Variants in PRKDC observed in about 807,000 individuals in gnomAD.
PRKDC encodes DNA-dependent protein kinase catalytic subunit.
Under a neutral mutation model 486.9 loss-of-function variants are expected in PRKDC, and 82 were observed. The observed-to-expected ratio is 0.17, with a 90% CI of 0.14 to 0.20. PRKDC has a LOEUF of 0.20. PRKDC is among the 10% of genes least tolerant of loss of function. The probability of loss-of-function intolerance (pLI) is 1.00; values close to 1 mark genes in which losing one functional copy is unlikely to be tolerated. For synonymous variants in PRKDC, 1,895 were observed against 1,837.0 expected, an observed-to-expected ratio of 1.03 and a Z score of -0.81; for missense variants, 4,504 against 5,038.2, an observed-to-expected ratio of 0.89 and a Z score of 3.21.
At chr8:47,926,233 A>T (rs568169580) in intron 21 of PRKDC, among the ~76,000 whole-genome samples, 6 of 152,330 alleles carry the variant, frequency 3.9e-5, no homozygotes, top group Admixed American at 3.9e-4. Flanking sequence ...ATAAAGGTTA[A>T]CTAGTTTGTA....
intron 16 of PRKDC, 78 bp downstream of exon 16, chr8:47,932,942 A>G (rs1182572648): frequency 2.3e-6 from 3 of 1,301,172 alleles, no homozygotes; most frequent in Middle Eastern, 2.0e-4. Context: ...CAAATGTGCT[A>G]TTGTCCCCTA....
Position 47,898,541 on chromosome 8 carries a change from A to G in PRKDC, c.3393T>C (p.Ile1131=), listed in dbSNP as rs1223717115. 6.5e-7 allele frequency: 1 copy of G among 1,527,296 alleles called. No individual in the cohort carries two copies. Among genetic ancestry groups the G allele is most frequent in the Non-Finnish European group, 8.9e-7 (1 of 1,122,108 alleles). The allele number at this position is 1,527,296 out of a possible 1,614,324, so 94.6% of individuals were successfully genotyped here. A position where few individuals can be genotyped will look rare whatever the true frequency, so the allele number is the denominator to read the frequency against. ...LGTIQQCCDA[I]DHLCRIIEKK... is the part of the protein sequence containing the mutation. ...TTTCAATGATGCGGCATAGGTGATC[A>G]ATGGCATCACAACACTGTTGAATTG... The change falls in exon 29 of 86, where the codon ATT becomes ATC. Residue 1131 remains isoleucine (I), a synonymous_variant. Coordinates refer to ENST00000314191, the MANE Select transcript of PRKDC (RefSeq NM_006904.7).
At chr8:47,927,448 C>T in intron 20 of PRKDC, 95 bp from the exon 21 acceptor site, 1 of 1,359,248 alleles carries the variant, frequency 7.4e-7, no homozygotes, top group Non-Finnish European at 1.0e-6. Flanking sequence ...AATTAATACT[C>T]CTTTTTATTA....
At position 47,820,829 on chromosome 8, in the gene PRKDC, C is replaced by T. The variant is rs771437391; in HGVS notation, c.9226G>A (p.Ala3076Thr). The change falls in exon 66 of 86, where the codon GCG becomes ACG. Residue 3076 changes from alanine (A) to threonine (T), a missense_variant. This residue lies in a region of PRKDC where 1,592 missense variants were observed against 1,724.6 expected (regional missense o/e 0.92). Transcript: ENST00000314191. Reference protein sequence around the residue: ...DKAMHGELQKAILELHYSQEL... With the variant: ...DKAMHGELQKTILELHYSQEL... Reference sequence around the variant, plus strand: ...TGACTGTAATGAAGCTCTAGAATCGCCTTCTGGAGCTCCCCGTGCATAGCT... The same window carrying T: ...TGACTGTAATGAAGCTCTAGAATCGTCTTCTGGAGCTCCCCGTGCATAGCT... 1.2e-5 allele frequency: 20 copies of T among 1,613,268 alleles called. No homozygotes were observed. The African/African-American group carries it at 1.5e-4, about 12-fold the overall frequency.
chr8:47,940,172 CAATA>C (rs2090420066), intron 10 of PRKDC, among the ~76,000 whole-genome samples: 1 of 152,024 alleles, frequency 6.6e-6, no homozygotes, highest in Admixed American at 6.6e-5. Flanking sequence ...CAGACGTCAT[CAATA>C]AATAGAGTTC....
At chr8:47,831,285 C>T (rs990772028) in intron 60 of PRKDC, among the ~76,000 whole-genome samples, 5 of 152,244 alleles carry the variant, frequency 3.3e-5, no homozygotes, top group Non-Finnish European at 7.3e-5. Flanking sequence ...TGGAGCCGCT[C>T]CTGTGGCGGC....
intron 11 of PRKDC, among the ~76,000 whole-genome samples, chr8:47,939,049 GTC>G (rs1007669968): frequency 5.9e-5 from 9 of 152,116 alleles, no homozygotes; most frequent in Non-Finnish European, 1.2e-4. Context: ...TCAATTCTGA[GTC>G]TCTTGACAAG....
chr8:47,899,096 T>C (rs2089634782), intron 28 of PRKDC, among the ~76,000 whole-genome samples: 1 of 152,150 alleles, frequency 6.6e-6, no homozygotes, highest in South Asian at 2.1e-4. Context: ...CTCACAGAAG[T>C]CTGGAATTAT....
At chr8:47,892,202 C>T (rs1037737185) in intron 31 of PRKDC, among the ~76,000 whole-genome samples, 1 of 152,024 alleles carries the variant, frequency 6.6e-6, no homozygotes, top group Admixed American at 6.6e-5. Flanking sequence ...AAAATCTATA[C>T]GTACAAAAAT....
chr8:47,799,019 C>T (rs1330646672), intron 72 of PRKDC, among the ~76,000 whole-genome samples, 191 bp downstream of exon 72: 1 of 152,166 alleles, frequency 6.6e-6, no homozygotes, highest in African/African-American at 2.4e-5. Context: ...CCACGTTGGC[C>T]AGGCTGGTCT....
chr8:47,786,723 C>CTTTTTTTTTTT (rs5891257), intron 76 of PRKDC, among the ~76,000 whole-genome samples: 2 of 88,250 alleles, frequency 2.3e-5, no homozygotes, highest in Non-Finnish European at 3.8e-5. Flanking sequence ...ATTATTTAAT[C>CTTTTTTTTTTT]TTTTTTTTTT....
chr8:47,935,952 C>T (rs2090344111), intron 12 of PRKDC, 52 bp from the exon 13 acceptor site: 38 of 1,481,526 alleles, frequency 2.6e-5, no homozygotes, highest in Non-Finnish European at 3.3e-5. Context: ...TCAATGAATA[C>T]AGGAATAATA....
At chr8:47,847,259 T>A (rs2088289223) in intron 54 of PRKDC, among the ~76,000 whole-genome samples, 1 of 151,750 alleles carries the variant, frequency 6.6e-6, no homozygotes, top group South Asian at 2.1e-4. Flanking sequence ...GATACAATAA[T>A]CAAAACAGCA....
chr8:47,845,537 C>A (rs1463517829), intron 54 of PRKDC, among the ~76,000 whole-genome samples: 1 of 151,812 alleles, frequency 6.6e-6, no homozygotes, highest in East Asian at 1.9e-4. Flanking sequence ...AATTAGGAAA[C>A]CTAGAGGAAA....
At chr8:47,814,543 A>G (rs193073338) in intron 68 of PRKDC, among the ~76,000 whole-genome samples, 3 of 152,200 alleles carry the variant, frequency 2.0e-5, no homozygotes, top group African/African-American at 4.8e-5. Context: ...GCAGCAAATA[A>G]TTGGAAAATA....
intron 25 of PRKDC, among the ~76,000 whole-genome samples, chr8:47,907,105 GTCTC>G (rs1237603788): frequency 6.6e-6 from 1 of 150,880 alleles, no homozygotes; most frequent in Non-Finnish European, 1.5e-5. Context: ...GTGGCGCGCA[GTCTC>G]TGCTCACTGC....
intron 44 of PRKDC, 126 bp downstream of exon 44, chr8:47,861,936 C>T: frequency 1.4e-6 from 1 of 706,852 alleles, no homozygotes. Context: ...TTTATAGAAA[C>T]CACATGAAAC....
At chr8:47,854,261 A>C in intron 50 of PRKDC, 47 bp from the exon 51 acceptor site, 1 of 1,588,428 alleles carries the variant, frequency 6.3e-7, no homozygotes, top group Non-Finnish European at 8.6e-7. Context: ...TGCATAATCA[A>C]GTAAGAAGCA....
chr8:47,918,173 TACAAAA>T, intron 22 of PRKDC, 98 bp downstream of exon 22: 4 of 773,032 alleles, frequency 5.2e-6, no homozygotes, highest in Non-Finnish European at 7.9e-6. Context: ...CTACTTTGTA[TACAAAA>T]ACAACTAACA....
Sources: gnomAD v4.1 joint callset for allele counts (sites outside exome capture counted in the v4.1 genomes callset) on GRCh38, gnomAD v4.1.1 for gene constraint, gnomAD v4.1.1 regional missense constraint, MANE v1.5 for transcripts, NCBI Gene and HGNC (gene_info 2026-07-23, HGNC 2026-07-21) for gene names.